LYPD6: variants seen among roughly 807,000 people sequenced by gnomAD.
LYPD6 encodes the protein ly6/PLAUR domain-containing protein 6.
A neutral mutation model predicts 22.7 loss-of-function variants in LYPD6; 15 were observed. The ratio of observed to expected loss-of-function variants is 0.66; its 90% CI spans 0.44 to 1.02. The LOEUF (loss-of-function observed/expected upper bound fraction) is 1.02, where lower values mean the gene tolerates loss of function less well. Among genes scored for constraint, LYPD6 ranks in the 50% least tolerant of loss-of-function variants. LYPD6 has a pLI of 0.00. For synonymous variants in LYPD6, 72 were observed against 77.5 expected (o/e 0.93, Z 0.37); for missense variants, 189 against 208.4 (o/e 0.91, Z 0.57).
chr2:149,414,554 TTC>T (rs1261993926), intron 1 of LYPD6, among the ~76,000 whole-genome samples: 8 of 152,214 alleles, frequency 5.3e-5, no homozygotes, highest in African/African-American at 1.4e-4. Flanking sequence ...CTTTTAACAT[TTC>T]TGTCTTTCCT....
intron 3 of LYPD6, among the ~76,000 whole-genome samples, chr2:149,458,561 G>A (rs1681018412): frequency 1.3e-5 from 2 of 152,014 alleles, no homozygotes; most frequent in African/African-American, 4.8e-5. Context: ...TGTCATACCA[G>A]GAAGATCTCA....
rs1559123695 is a variant in LYPD6 at position 149,359,489 on chromosome 2, G to A, written c.-72+28767G>A. Reference sequence around the variant, plus strand: ...GGAGAAAATAGTGTCTCAGATATTAGACACATATAAACATTAGAAGGGAAT... The same window carrying A: ...GGAGAAAATAGTGTCTCAGATATTAAACACATATAAACATTAGAAGGGAAT... On this transcript the variant is annotated intron_variant, in intron 1 of 4. Coordinates refer to ENST00000334166, the MANE Select transcript of LYPD6 (RefSeq NM_194317.5). 2.6e-5 allele frequency among the ~76,000 whole-genome samples: 4 copies of A among 152,218 alleles called. No individual in the cohort carries two copies. In the South Asian group the frequency reaches 8.3e-4, roughly 32 times the overall value.
At chr2:149,430,572 T>A (rs971457911) in intron 1 of LYPD6, among the ~76,000 whole-genome samples, 2 of 152,240 alleles carry the variant, frequency 1.3e-5, no homozygotes, top group African/African-American at 2.4e-5. Context: ...ACCACCATAT[T>A]AAAAATTAAA....
At chr2:149,333,222 A>G (rs1680972077) in intron 1 of LYPD6, among the ~76,000 whole-genome samples, 1 of 152,228 alleles carries the variant, frequency 6.6e-6, no homozygotes, top group South Asian at 2.1e-4. Flanking sequence ...AGCAGAAGAC[A>G]TTGGTTAGAG....
At chr2:149,337,813 G>A (rs1472582104) in intron 1 of LYPD6, among the ~76,000 whole-genome samples, 1 of 152,110 alleles carries the variant, frequency 6.6e-6, no homozygotes, top group Non-Finnish European at 1.5e-5. Flanking sequence ...GTAGACCCCA[G>A]TGTTTGTTGT....
intron 1 of LYPD6, among the ~76,000 whole-genome samples, chr2:149,403,922 A>G (rs1480052892): frequency 6.6e-6 from 1 of 152,176 alleles, no homozygotes; most frequent in Non-Finnish European, 1.5e-5. Flanking sequence ...AAGTGTAAGG[A>G]AGGGATCCAG....
intron 1 of LYPD6, among the ~76,000 whole-genome samples, chr2:149,350,885 G>A (rs1476092825): frequency 6.6e-6 from 1 of 152,214 alleles, no homozygotes; most frequent in Non-Finnish European, 1.5e-5. Flanking sequence ...GGGCCTTTCT[G>A]CCATCCTGGT....
chr2:149,407,052 A>C (rs1682729915), intron 1 of LYPD6, among the ~76,000 whole-genome samples: 1 of 152,114 alleles, frequency 6.6e-6, no homozygotes, highest in Non-Finnish European at 1.5e-5. Context: ...AGAATGTTGA[A>C]TATTGGCCCC....
intron 1 of LYPD6, among the ~76,000 whole-genome samples, chr2:149,336,015 T>C (rs1215253038): frequency 6.6e-6 from 1 of 152,218 alleles, no homozygotes; most frequent in African/African-American, 2.4e-5. Context: ...CATGACTATA[T>C]GTTTGTTGCC....
chr2:149,402,777 C>T (rs74638244), intron 1 of LYPD6, among the ~76,000 whole-genome samples: 5 of 151,740 alleles, frequency 3.3e-5, no homozygotes, highest in East Asian at 1.9e-4. Flanking sequence ...ATGTGCACAA[C>T]GTGCAGGTTT....
intron 1 of LYPD6, among the ~76,000 whole-genome samples, chr2:149,366,301 C>A (rs1376669537): frequency 1.3e-5 from 2 of 152,114 alleles, no homozygotes; most frequent in Non-Finnish European, 2.9e-5. Flanking sequence ...TTTTTACTTA[C>A]AATTTTAGAT....
At chr2:149,425,441 A>G (rs187001353) in intron 1 of LYPD6, among the ~76,000 whole-genome samples, 2 of 152,316 alleles carry the variant, frequency 1.3e-5, no homozygotes, top group African/African-American at 2.4e-5. Flanking sequence ...GAGTGGGTGA[A>G]TGAGTGAACA....
chr2:149,332,407 C>T (rs1024497221), intron 1 of LYPD6, among the ~76,000 whole-genome samples: 8 of 152,174 alleles, frequency 5.3e-5, no homozygotes, highest in African/African-American at 1.2e-4. Context: ...GTTTATAGTA[C>T]ATAATGCATA....
intron 1 of LYPD6, among the ~76,000 whole-genome samples, chr2:149,428,570 T>C (rs964328448): frequency 2.0e-5 from 3 of 152,188 alleles, no homozygotes; most frequent in Non-Finnish European, 4.4e-5. Context: ...TTTTCCATTC[T>C]CACTTGAAAA....
chr2:149,398,692 A>G (rs1252514461), intron 1 of LYPD6, among the ~76,000 whole-genome samples: 1 of 152,072 alleles, frequency 6.6e-6, no homozygotes, highest in African/African-American at 2.4e-5. Flanking sequence ...AAACAGCTCG[A>G]CCTGAATTGA....
At chr2:149,483,069 G>T in the LYPD6 span, among the ~76,000 whole-genome samples, 1 of 152,152 alleles carries the variant, frequency 6.6e-6, no homozygotes, top group African/African-American at 2.4e-5. Flanking sequence ...TGTCAAGATT[G>T]CATCTGTCAT....
At position 149,471,000 on chromosome 2, in the gene LYPD6, G is replaced by C; in HGVS notation, c.*150G>C. On this transcript the variant is annotated 3_prime_UTR_variant, in exon 5 of 5. Coordinates refer to ENST00000334166, the MANE Select transcript of LYPD6 (RefSeq NM_194317.5). ...GCCAAGCATTGCCACTTACCATGAGGAATAAATGTTGCTTCATTGTAGCCA... is the reference window on the plus strand; with the variant it reads ...GCCAAGCATTGCCACTTACCATGAGCAATAAATGTTGCTTCATTGTAGCCA... The C allele has an allele frequency of 1.5e-6, 1 of 662,112 alleles. No individual in the cohort carries two copies. The highest frequency in any genetic ancestry group is 2.5e-6 in the Non-Finnish European group (1 of 400,698). The allele number at this position is 662,112 out of a possible 1,614,324, so 41.0% of individuals were successfully genotyped here.
downstream of LYPD6, among the ~76,000 whole-genome samples, chr2:149,477,536 T>C (rs1681463333): frequency 7.0e-6 from 1 of 141,952 alleles, no homozygotes; most frequent in South Asian, 2.2e-4. Flanking sequence ...GGCAGGAGAA[T>C]CGCTTGAATC....
chr2:149,437,496 G>GTT (rs1183773951), intron 1 of LYPD6, 142 bp from the exon 2 acceptor site: 2 of 634,978 alleles, frequency 3.1e-6, no homozygotes, highest in Non-Finnish European at 5.3e-6. Flanking sequence ...TAAAATTACT[G>GTT]TTGATAAAGT....
Sources: allele counts gnomAD v4.1 joint callset (sites outside exome capture counted in the v4.1 genomes callset), GRCh38; gene constraint gnomAD v4.1.1; transcripts MANE v1.5; gene names NCBI Gene and HGNC (gene_info 2026-07-23, HGNC 2026-07-21).